The following MBNL2 variants were observed in gnomAD, a reference collection of about 807,000 sequenced individuals.
MBNL2 encodes the protein muscleblind like splicing regulator 2.
Under a neutral mutation model 41.9 loss-of-function variants are expected in MBNL2, and 17 were observed. That is an observed-to-expected ratio of 0.41 (90% CI 0.28 to 0.61). The LOEUF (loss-of-function observed/expected upper bound fraction) is 0.61, where lower values mean the gene tolerates loss of function less well. MBNL2 is among the 20% of genes least tolerant of loss of function. MBNL2 has a pLI of 0.35. For missense variants in MBNL2, 336 were observed against 505.6 expected (o/e 0.66, Z 3.22); for synonymous variants, 195 against 182.9 (o/e 1.07, Z -0.53).
At chr13:97,228,081 A>G (rs2152773707) in intron 1 of MBNL2, among the ~76,000 whole-genome samples, 1 of 152,294 alleles carries the variant, frequency 6.6e-6, no homozygotes, top group South Asian at 2.1e-4. Context: ...TTGGGGGGGA[A>G]ATGAATATTT....
At chr13:97,234,282 C>T (rs998548074) in intron 1 of MBNL2, among the ~76,000 whole-genome samples, 5 of 152,206 alleles carry the variant, frequency 3.3e-5, no homozygotes, top group Non-Finnish European at 5.9e-5. Flanking sequence ...AGCCCCTTCA[C>T]GTACTTGAAG....
chr13:97,234,098 ATCTT>A, intron 1 of MBNL2, among the ~76,000 whole-genome samples: 1 of 152,200 alleles, frequency 6.6e-6, no homozygotes. Context: ...GCTATTGTGT[ATCTT>A]TCTTTATTGA....
At chr13:97,299,063 G>A (rs2057349097) in intron 2 of MBNL2, among the ~76,000 whole-genome samples, 2 of 152,176 alleles carry the variant, frequency 1.3e-5, no homozygotes, top group Non-Finnish European at 2.9e-5. Flanking sequence ...GGGATGTTAG[G>A]AATTGCAGGA....
In MBNL2 at chr13:97,346,812, G is replaced by A. The variant is rs1329267020; in HGVS notation, c.549G>A (p.Arg183=). 1.9e-6 allele frequency: 3 copies of A among 1,613,858 alleles called. No individual in the cohort carries two copies. The African/African-American group carries it at 4.0e-5, about 22-fold the overall frequency. ...CTTCTTCCCTGTCTTAGGTATGCAG[G>A]GAGTTCCAGCGAGGAAACTGTGCCC... ...LLRTDKLEVC[R]EFQRGNCARG... Residue 183 remains arginine, a synonymous_variant, in exon 5 of 9, where the codon AGG becomes AGA. Transcript: ENST00000679496. The surrounding 1 kb of genome is among the most constrained non-coding windows in gnomAD (Gnocchi z 4.2).
chr13:97,325,481 C>T (rs1419754086), intron 2 of MBNL2, among the ~76,000 whole-genome samples: 4 of 152,094 alleles, frequency 2.6e-5, no homozygotes, highest in African/African-American at 4.8e-5. Flanking sequence ...CTGTAATCCC[C>T]GCACTTTGGG....
the MBNL2 span, among the ~76,000 whole-genome samples, chr13:97,211,125 T>A: frequency 6.6e-6 from 1 of 152,210 alleles, no homozygotes; most frequent in African/African-American, 2.4e-5. Flanking sequence ...AAATCTTTTC[T>A]GTCTTTTACA....
chr13:97,360,754 C>A (rs1341300242), intron 7 of MBNL2, among the ~76,000 whole-genome samples: 1 of 152,208 alleles, frequency 6.6e-6, no homozygotes, highest in African/African-American at 2.4e-5. Flanking sequence ...AAGCAGAAAA[C>A]ATTTGAGAAG....
intron 1 of MBNL2, among the ~76,000 whole-genome samples, chr13:97,265,904 C>T (rs1480104254): frequency 3.3e-5 from 5 of 151,926 alleles, no homozygotes; most frequent in Non-Finnish European, 5.9e-5. Context: ...CTGGTCTTGT[C>T]CTTCAACCAA....
At chr13:97,214,632 G>A in the MBNL2 span, among the ~76,000 whole-genome samples, 4 of 152,136 alleles carry the variant, frequency 2.6e-5, no homozygotes, top group African/African-American at 9.7e-5. Context: ...TTACTTTCAA[G>A]TATCCCAACA....
At chr13:97,317,323 C>A (rs1488887854) in intron 2 of MBNL2, among the ~76,000 whole-genome samples, 3 of 152,130 alleles carry the variant, frequency 2.0e-5, no homozygotes, top group Admixed American at 6.5e-5. Flanking sequence ...AAATATCAAT[C>A]CTGTAAAAAT....
At chr13:97,390,908 C>T (rs2066349465) in intron 8 of MBNL2, among the ~76,000 whole-genome samples, 1 of 151,950 alleles carries the variant, frequency 6.6e-6, no homozygotes, top group African/African-American at 2.4e-5. Flanking sequence ...TATATTTAAG[C>T]CTTACAAATG....
intron 1 of MBNL2, among the ~76,000 whole-genome samples, chr13:97,232,309 C>T (rs1255700776): frequency 6.6e-6 from 1 of 152,160 alleles, no homozygotes; most frequent in African/African-American, 2.4e-5. Flanking sequence ...AGGAAGTGTT[C>T]CCTACCCAGA....
intron 1 of MBNL2, among the ~76,000 whole-genome samples, chr13:97,248,146 A>C (rs889155431): frequency 6.6e-6 from 1 of 152,170 alleles, no homozygotes; most frequent in Non-Finnish European, 1.5e-5. Flanking sequence ...ACATATATAT[A>C]TTTTAAGATG....
chr13:97,187,331 TC>T, the MBNL2 span, among the ~76,000 whole-genome samples: 1 of 152,036 alleles, frequency 6.6e-6, no homozygotes, highest in Non-Finnish European at 1.5e-5. Flanking sequence ...TGAGATTTAG[TC>T]CCTGTTCACA....
chr13:97,180,763 AAC>A, the MBNL2 span, among the ~76,000 whole-genome samples: 34 of 151,410 alleles, frequency 2.2e-4, 1 homozygote, highest in East Asian at 6.4e-3. Context: ...AAAAAAAAAA[AAC>A]ATGTTGTACC....
the MBNL2 span, among the ~76,000 whole-genome samples, chr13:97,190,234 G>T: frequency 6.6e-6 from 1 of 152,202 alleles, no homozygotes; most frequent in Non-Finnish European, 1.5e-5. Flanking sequence ...ACATTTTCCA[G>T]CTCCCTTGTT....
chr13:97,252,834 C>A (rs1030128320), intron 1 of MBNL2, among the ~76,000 whole-genome samples: 3 of 152,138 alleles, frequency 2.0e-5, no homozygotes, highest in Non-Finnish European at 2.9e-5. Flanking sequence ...ATAACATTTT[C>A]TCCTCTTTTC....
chr13:97,382,776 G>A (rs140212294), intron 8 of MBNL2, among the ~76,000 whole-genome samples: 125 of 151,936 alleles, frequency 8.2e-4, no homozygotes, highest in Admixed American at 1.8e-3. Context: ...CCGCCTCCCG[G>A]GTTCAAGTGA....
At chr13:97,238,229 G>C (rs888125094) in intron 1 of MBNL2, among the ~76,000 whole-genome samples, 1 of 152,172 alleles carries the variant, frequency 6.6e-6, no homozygotes, top group Non-Finnish European at 1.5e-5. Flanking sequence ...GAGGAATTGA[G>C]ATAGCAAAGA....
Sources: gnomAD v4.1 joint callset for allele counts (sites outside exome capture counted in the v4.1 genomes callset) on GRCh38, gnomAD v4.1.1 for gene constraint, Gnocchi (gnomAD v3.1) non-coding constraint, MANE v1.5 for transcripts, NCBI Gene and HGNC (gene_info 2026-07-23, HGNC 2026-07-21) for gene names.